LRRC49: variants seen among roughly 807,000 people sequenced by gnomAD.
The protein encoded by LRRC49 is leucine-rich repeat-containing protein 49.
Under a neutral mutation model 83.3 loss-of-function variants are expected in LRRC49, and 50 were observed. The observed-to-expected ratio is 0.60, with a 90% confidence interval of 0.48 to 0.76. LRRC49 has a LOEUF of 0.76. Ranked by LOEUF, LRRC49 falls within the 30% of genes least tolerant of loss-of-function variation. The pLI is 0.00. For synonymous variants in LRRC49, 286 were observed against 283.3 expected (o/e 1.01, Z -0.10); for missense variants, 704 against 809.1 (o/e 0.87, Z 1.58).
chr15:70,982,041 T>C (rs1157132085), intron 10 of LRRC49, among the ~76,000 whole-genome samples: 2 of 152,048 alleles, frequency 1.3e-5, no homozygotes, highest in Non-Finnish European at 2.9e-5. Flanking sequence ...AAATTAATCA[T>C]TCTCTTAGTC....
At chr15:71,047,017 C>T (rs1019889927) in intron 15 of LRRC49, among the ~76,000 whole-genome samples, 1 of 152,106 alleles carries the variant, frequency 6.6e-6, no homozygotes, top group Non-Finnish European at 1.5e-5. Flanking sequence ...AGCTTTATTT[C>T]TGAGTTTTCT....
At chr15:70,931,715 G>T (rs1480506721) in intron 7 of LRRC49, among the ~76,000 whole-genome samples, 2 of 151,694 alleles carry the variant, frequency 1.3e-5, no homozygotes, top group African/African-American at 4.8e-5. Flanking sequence ...TTCTTCATCT[G>T]TTGCCTGAAA....
At chr15:70,975,111 A>AT (rs1041849783) in intron 9 of LRRC49, among the ~76,000 whole-genome samples, 1 of 152,208 alleles carries the variant, frequency 6.6e-6, no homozygotes, top group East Asian at 1.9e-4. Flanking sequence ...GTCCCATCCC[A>AT]TTTTTTTCTA....
Position 71,001,934 on chromosome 15 carries a change from G to A in LRRC49, c.1170-6445G>A, listed in dbSNP as rs546927562. On this transcript the variant is annotated intron_variant, in intron 11 of 15. Coordinates refer to ENST00000260382, the MANE Select transcript of LRRC49 (RefSeq NM_017691.5). ...TCTCAATCTCCTGACCTTGTGATCCGCCCACCTCGGCCTCCCAAAGTGCTG... is the reference window on the plus strand; with the variant it reads ...TCTCAATCTCCTGACCTTGTGATCCACCCACCTCGGCCTCCCAAAGTGCTG... 4.5e-3 allele frequency among the ~76,000 whole-genome samples: 683 copies of A among 152,138 alleles called. 7 individuals are homozygous for A. The highest frequency in any genetic ancestry group is 0.016 in the African/African-American group (662 of 41,530).
At chr15:70,869,104 G>GA (rs531491169) in intron 1 of LRRC49, among the ~76,000 whole-genome samples, 2 of 151,946 alleles carry the variant, frequency 1.3e-5, no homozygotes, top group Middle Eastern at 3.4e-3. Context: ...AAAGTAATTG[G>GA]AAAAAAAATT....
At chr15:71,038,423 T>C (rs1302208524) in intron 15 of LRRC49, among the ~76,000 whole-genome samples, 1 of 152,144 alleles carries the variant, frequency 6.6e-6, no homozygotes. Flanking sequence ...GCTGTTGTTA[T>C]AGAGGAAAAG....
chr15:70,942,734 G>A (rs2035864385), intron 8 of LRRC49, among the ~76,000 whole-genome samples: 1 of 152,100 alleles, frequency 6.6e-6, no homozygotes, highest in African/African-American at 2.4e-5. Context: ...ATACATTTTA[G>A]GGAGGCACGA....
At chr15:71,021,390 TA>T (rs1177444395) in intron 14 of LRRC49, among the ~76,000 whole-genome samples, 1 of 152,108 alleles carries the variant, frequency 6.6e-6, no homozygotes, top group Non-Finnish European at 1.5e-5. Flanking sequence ...AGCAAATATA[TA>T]GCTTCCAAAT....
At chr15:71,019,334 C>T (rs2038924363) in intron 14 of LRRC49, among the ~76,000 whole-genome samples, 1 of 152,160 alleles carries the variant, frequency 6.6e-6, no homozygotes, top group South Asian at 2.1e-4. Flanking sequence ...GCATAAAAAA[C>T]ATTCTCGTTA....
At position 70,968,875 on chromosome 15, in the gene LRRC49, G is replaced by T. The variant is rs1055824147; in HGVS notation, c.921+4943G>T. ...TTGTTTACGTTCCTTGTAGATTCTG[G>T]ATATTAGTCCTTTGTCGGATGGATA... On this transcript the variant is annotated intron_variant, in intron 9 of 15. Transcript: ENST00000260382. Among the ~76,000 whole-genome samples the T allele has an allele frequency of 2.6e-5, 4 of 152,092 alleles. No individual in the cohort carries two copies. In the East Asian group the frequency reaches 7.7e-4, roughly 29 times the overall value.
intron 8 of LRRC49, among the ~76,000 whole-genome samples, chr15:70,946,761 C>CT (rs1346098828): frequency 6.6e-6 from 1 of 151,978 alleles, no homozygotes; most frequent in East Asian, 1.9e-4. Context: ...TATCTGTTGT[C>CT]TTTTTTATAA....
At chr15:70,997,673 C>T (rs562644698) in intron 11 of LRRC49, among the ~76,000 whole-genome samples, 52 of 152,320 alleles carry the variant, frequency 3.4e-4, no homozygotes, top group Non-Finnish European at 6.6e-4. Flanking sequence ...ATCACTTGAA[C>T]CCAGGAGGTG....
chr15:71,014,205 A>G (rs1471752070), intron 14 of LRRC49, among the ~76,000 whole-genome samples: 3 of 152,222 alleles, frequency 2.0e-5, no homozygotes, highest in African/African-American at 4.8e-5. Context: ...AGTTGTCTGA[A>G]TAAGTATTAA....
chr15:70,858,170 T>A (rs2032696856), intron 1 of LRRC49, among the ~76,000 whole-genome samples: 1 of 152,252 alleles, frequency 6.6e-6, no homozygotes, highest in Non-Finnish European at 1.5e-5. Context: ...TGCCATACTC[T>A]TAAAAGTTGA....
exon 2 of LRRC49, chr15:70,873,132 G>T: frequency 7.8e-7 from 1 of 1,288,204 alleles, no homozygotes; most frequent in Non-Finnish European, 1.1e-6. Context: ...TGATCCACCC[G>T]CCTTGGCCTC....
At chr15:70,956,593 T>G (rs2036411597) in intron 8 of LRRC49, among the ~76,000 whole-genome samples, 1 of 151,954 alleles carries the variant, frequency 6.6e-6, no homozygotes, top group Non-Finnish European at 1.5e-5. Context: ...TTCCAGGTGT[T>G]TTTTTTTAAA....
At chr15:70,976,870 T>C (rs1306857636) in intron 9 of LRRC49, among the ~76,000 whole-genome samples, 2 of 152,184 alleles carry the variant, frequency 1.3e-5, no homozygotes, top group East Asian at 3.9e-4. Flanking sequence ...AGTTACTCTG[T>C]AATTATTTGG....
intron 10 of LRRC49, among the ~76,000 whole-genome samples, chr15:70,981,096 G>A (rs1037190588): frequency 5.9e-5 from 9 of 152,078 alleles, no homozygotes; most frequent in Admixed American, 4.6e-4. Context: ...AAAAGCATGG[G>A]GAATCAGGAG....
intron 14 of LRRC49, among the ~76,000 whole-genome samples, chr15:71,019,493 C>T (rs1297485474): frequency 6.6e-6 from 1 of 152,152 alleles, no homozygotes. Context: ...AATTTTTGTT[C>T]TGCTAGTCTA....
Sources: allele counts gnomAD v4.1 joint callset (sites outside exome capture counted in the v4.1 genomes callset), GRCh38; gene constraint gnomAD v4.1.1; transcripts MANE v1.5; gene names NCBI Gene and HGNC (gene_info 2026-07-23, HGNC 2026-07-21).